JMJD1C: variants seen among roughly 807,000 people sequenced by gnomAD.
JMJD1C encodes the protein jumonji domain containing 1C.
A neutral mutation model predicts 245.3 loss-of-function variants in JMJD1C; 31 were observed. The ratio of observed to expected loss-of-function variants is 0.13; its 90% CI spans 0.09 to 0.17. JMJD1C has a LOEUF of 0.17. Among genes scored for constraint, JMJD1C ranks in the 10% least tolerant of loss-of-function variants. The pLI, the probability that JMJD1C is intolerant of heterozygous loss-of-function variation, is 1.00. For missense variants in JMJD1C, 2,691 were observed against 3,000.2 expected (o/e 0.90, Z 2.41); for synonymous variants, 1,057 against 1,017.4 (o/e 1.04, Z -0.74).
intron 2 of JMJD1C, among the ~76,000 whole-genome samples, chr10:63,356,289 T>C (rs1419867365): frequency 6.6e-6 from 1 of 152,196 alleles, no homozygotes; most frequent in Non-Finnish European, 1.5e-5. Context: ...TTTTCTGGCA[T>C]TACTCACTAA....
intron 1 of JMJD1C, chr10:63,427,457 A>G: frequency 1.7e-6 from 2 of 1,166,388 alleles, no homozygotes; most frequent in Non-Finnish European, 2.5e-6. Context: ...CTGTCCCAGC[A>G]ACTCCTGACC....
intron 10 of JMJD1C, 37 bp from the exon 11 acceptor site, chr10:63,200,714 C>G (rs1250396791): frequency 6.3e-7 from 1 of 1,576,716 alleles, no homozygotes; most frequent in Non-Finnish European, 8.7e-7. Flanking sequence ...CAAGATTATG[C>G]TTTGTAAAAA....
At chr10:63,441,201 C>G (rs1951364374) in intron 1 of JMJD1C, among the ~76,000 whole-genome samples, 1 of 152,184 alleles carries the variant, frequency 6.6e-6, no homozygotes, top group Admixed American at 6.5e-5. Context: ...CCCTTTTTTA[C>G]ACGGTTTAGA....
In JMJD1C at chr10:63,260,627, T is replaced by C. The variant is rs541111606; in HGVS notation, c.447+4024A>G. 4.2e-4 allele frequency among the ~76,000 whole-genome samples: 63 copies of C among 150,742 alleles called. 1 individual carries two copies. The South Asian group carries it at 0.012, about 30-fold the overall frequency. On this transcript the variant is annotated intron_variant, in intron 3 of 25. Transcript: ENST00000399262. The stretch of plus-strand genomic sequence containing the variant: ...TTTTTTGAGATGTAGTCACGCTCTG[T>C]TGCCCAGGCTAGAGTGCAGTGGCGC...
At chr10:63,309,950 G>T (rs1938931406) in intron 2 of JMJD1C, among the ~76,000 whole-genome samples, 1 of 151,972 alleles carries the variant, frequency 6.6e-6, no homozygotes, top group Non-Finnish European at 1.5e-5. Context: ...CAAACCATAA[G>T]AACATTTAAA....
Position 63,465,743 on chromosome 10 carries a change from T to G in JMJD1C, c.-81A>C. 4.0e-6 allele frequency: 6 copies of G among 1,512,596 alleles called. No individual in the cohort carries two copies. Among genetic ancestry groups the G allele is most frequent in the Non-Finnish European group, 4.5e-6 (5 of 1,106,918 alleles). 93.7% of individuals were successfully genotyped at this position (1,512,596 alleles called of 1,614,324 possible). On this transcript the variant is annotated 5_prime_UTR_variant, in exon 1 of 26. Transcript: ENST00000399262. ...CCTCACTCCTACCGGCCGCTCATGC[T>G]GAGGAGAGCGGACCGGGACACAGCA...
intron 1 of JMJD1C, among the ~76,000 whole-genome samples, chr10:63,419,470 G>C (rs1480108738): frequency 6.6e-6 from 1 of 152,114 alleles, no homozygotes; most frequent in African/African-American, 2.4e-5. Context: ...AAGAACTACT[G>C]AGCCAAGACC....
At chr10:63,303,534 A>G (rs1589428254) in intron 2 of JMJD1C, among the ~76,000 whole-genome samples, 1 of 152,106 alleles carries the variant, frequency 6.6e-6, no homozygotes, top group Non-Finnish European at 1.5e-5. Flanking sequence ...TCGAACTCCT[A>G]ACCTCAGGTG....
At chr10:63,197,691 G>A (rs1845602023) in intron 12 of JMJD1C, 128 bp from the exon 13 acceptor site, 3 of 675,524 alleles carry the variant, frequency 4.4e-6, no homozygotes, top group Non-Finnish European at 2.3e-6. Context: ...ATTAACTGAA[G>A]ACCAATAGCT....
chr10:63,288,985 C>T (rs1858326901), intron 2 of JMJD1C, among the ~76,000 whole-genome samples: 1 of 151,110 alleles, frequency 6.6e-6, no homozygotes, highest in African/African-American at 2.4e-5. Flanking sequence ...ATGTCTTTTA[C>T]AAAGACTTTC....
At chr10:63,408,459 C>G (rs1305561744) in intron 1 of JMJD1C, among the ~76,000 whole-genome samples, 1 of 151,374 alleles carries the variant, frequency 6.6e-6, no homozygotes, top group Non-Finnish European at 1.5e-5. Context: ...GTGAAATTTC[C>G]AAGCAGAGAC....
chr10:63,429,669 G>A (rs1047929750), intron 1 of JMJD1C, among the ~76,000 whole-genome samples: 1 of 152,190 alleles, frequency 6.6e-6, no homozygotes, highest in Non-Finnish European at 1.5e-5. Context: ...AGTTGAGAAA[G>A]CAGCACCTTG....
At chr10:63,252,000 C>A (rs2133635756) in intron 3 of JMJD1C, among the ~76,000 whole-genome samples, 1 of 152,226 alleles carries the variant, frequency 6.6e-6, no homozygotes, top group Non-Finnish European at 1.5e-5. Context: ...GGTGACAGAG[C>A]AAGACTCCGT....
chr10:63,396,894 A>G (rs1037711311), intron 1 of JMJD1C, among the ~76,000 whole-genome samples: 1 of 149,910 alleles, frequency 6.7e-6, no homozygotes, highest in Non-Finnish European at 1.5e-5. Flanking sequence ...TTATACCTTC[A>G]TATCACAGCC....
chr10:63,233,725 T>TTATATA (rs60964501), intron 3 of JMJD1C, among the ~76,000 whole-genome samples: 5 of 140,986 alleles, frequency 3.5e-5, no homozygotes, highest in South Asian at 4.5e-4. Context: ...TATATACATA[T>TTATATA]TATATATATA....
At position 63,494,321 on chromosome 10, in the gene JMJD1C, A is replaced by G. The variant is rs576902201; in HGVS notation, n.113+27417T>C. Among the ~76,000 whole-genome samples, 249 of 152,282 alleles carry G rather than the reference A, an allele frequency of 1.6e-3. 1 individual carries two copies. The highest frequency in any genetic ancestry group is 2.1e-3 in the Admixed American group (32 of 15,304). Reference sequence around the variant, plus strand: ...AACGAAACTCCGTCTCAAAAAAAAAAAAAAGTTTGGAAAGTTATTAATCTA... The same window carrying G: ...AACGAAACTCCGTCTCAAAAAAAAAGAAAAGTTTGGAAAGTTATTAATCTA... On this transcript the variant is annotated intron_variant and non_coding_transcript_variant, in intron 1 of 3. Transcript: ENST00000633035.
chr10:63,233,756 T>G (rs1850306314), intron 3 of JMJD1C, among the ~76,000 whole-genome samples: 1 of 40,726 alleles, frequency 2.5e-5, no homozygotes, highest in Admixed American at 1.6e-4. Context: ...CACACGCGCG[T>G]GCACACACAC....
At chr10:63,248,675 C>A (rs1386385165) in intron 3 of JMJD1C, among the ~76,000 whole-genome samples, 1 of 152,072 alleles carries the variant, frequency 6.6e-6, no homozygotes, top group Non-Finnish European at 1.5e-5. Flanking sequence ...AACATGGAAA[C>A]TTCTCAGAAA....
intron 1 of JMJD1C, among the ~76,000 whole-genome samples, chr10:63,519,687 T>G (rs962635341): frequency 6.6e-6 from 1 of 151,986 alleles, no homozygotes; most frequent in Non-Finnish European, 1.5e-5. Flanking sequence ...CACTGAAAAA[T>G]GAGAGTTCTG....
Sources: gnomAD v4.1 joint callset for allele counts (sites outside exome capture counted in the v4.1 genomes callset) on GRCh38, gnomAD v4.1.1 for gene constraint, MANE v1.5 for transcripts, NCBI Gene and HGNC (gene_info 2026-07-23, HGNC 2026-07-21) for gene names.